COL14A1: variants seen among roughly 807,000 people sequenced by gnomAD.
The protein encoded by COL14A1 is collagen alpha-1(XIV) chain.
Under a neutral mutation model 230.3 loss-of-function variants are expected in COL14A1, and 136 were observed. The observed-to-expected ratio is 0.59, with a 90% CI of 0.51 to 0.68. COL14A1 has a LOEUF of 0.68. Ranked by LOEUF, COL14A1 falls within the 30% of genes least tolerant of loss-of-function variation. The pLI is 0.00. For missense variants in COL14A1, 1,976 were observed against 2,215.8 expected, an observed-to-expected ratio of 0.89 and a Z score of 2.17; for synonymous variants, 792 against 784.1, an observed-to-expected ratio of 1.01 and a Z score of -0.17.
intron 4 of COL14A1, among the ~76,000 whole-genome samples, chr8:120,167,440 G>C (rs959195771): frequency 8.5e-5 from 13 of 152,288 alleles, no homozygotes; most frequent in African/African-American, 3.1e-4. Flanking sequence ...ACATTTGGCA[G>C]GCTCTTGACT....
Position 120,332,521 on chromosome 8 carries a change from G to T in COL14A1, c.4714-143G>T. On this transcript the variant is annotated intron_variant, in intron 41 of 47. Coordinates refer to ENST00000297848, the MANE Select transcript of COL14A1 (RefSeq NM_021110.4). ...AAAAGTCTTCCCTCCGTTTTTGGGA[G>T]TTGGGAACAGGAATGAGGTCCTGGT... The T allele has an allele frequency of 4.4e-6, 3 of 687,002 alleles. No individual in the cohort carries two copies. In the South Asian group the frequency reaches 6.0e-5, roughly 14 times the overall value. 42.6% of individuals were successfully genotyped at this position (687,002 alleles called of 1,614,324 possible).
intron 2 of COL14A1, among the ~76,000 whole-genome samples, chr8:120,154,967 A>T (rs959595227): frequency 1.1e-4 from 16 of 152,186 alleles, no homozygotes; most frequent in South Asian, 6.2e-4. Context: ...GAAAGGGGGA[A>T]AAAACCTAAC....
chr8:120,139,124 A>C (rs1334259321), intron 1 of COL14A1, among the ~76,000 whole-genome samples: 2 of 152,230 alleles, frequency 1.3e-5, no homozygotes, highest in Non-Finnish European at 2.9e-5. Context: ...GGAGCATCCC[A>C]ACTGATTAGA....
chr8:120,315,211 AG>A (rs1821176577), intron 38 of COL14A1, among the ~76,000 whole-genome samples: 1 of 151,998 alleles, frequency 6.6e-6, no homozygotes, highest in African/African-American at 2.4e-5. Flanking sequence ...CTCTACTAAA[AG>A]TACAAAAATT....
At chr8:120,363,760 T>A (rs760726691) in intron 45 of COL14A1, among the ~76,000 whole-genome samples, 2 of 152,152 alleles carry the variant, frequency 1.3e-5, no homozygotes, top group Non-Finnish European at 2.9e-5. Context: ...CATGTGGGCA[T>A]GAGAATAGGT....
At chr8:120,218,154 AATATATAAATATAAAT>A (rs1263640338) in intron 14 of COL14A1, among the ~76,000 whole-genome samples, 6 of 135,408 alleles carry the variant, frequency 4.4e-5, no homozygotes, top group East Asian at 2.0e-4. Context: ...AATATAAATA[AATATATAAATATAAAT>A]ATATATAAAT....
intron 4 of COL14A1, among the ~76,000 whole-genome samples, chr8:120,165,134 G>A (rs1414593446): frequency 2.0e-5 from 3 of 152,208 alleles, no homozygotes; most frequent in Admixed American, 6.5e-5. Context: ...CCAAATAGCA[G>A]TTTGTAAGAA....
At chr8:120,166,386 T>C (rs1815873994) in intron 4 of COL14A1, among the ~76,000 whole-genome samples, 1 of 152,196 alleles carries the variant, frequency 6.6e-6, no homozygotes, top group Non-Finnish European at 1.5e-5. Flanking sequence ...TTTATAAGAA[T>C]TCACCACATT....
In COL14A1 at chr8:120,128,228, CGTGTGTGTGTGTGTGTGT is replaced by C. The variant is rs33988612; in HGVS notation, c.-38+2905_-38+2922del. ...ACGTGTGTGTGTGTGTGTGCGCGCG[CGTGTGTGTGTGTGTGTGT>C]GTGTGTGTGTGTGTGTTGGAAATGT... is the stretch of plus-strand genomic sequence containing the variant. On this transcript the variant is annotated intron_variant, in intron 1 of 47. Transcript: ENST00000297848. Among the ~76,000 whole-genome samples the C allele has an allele frequency of 3.1e-3, 451 of 146,784 alleles. 4 individuals carry two copies. The highest frequency in any genetic ancestry group is 0.011 in the African/African-American group (435 of 39,972).
At chr8:120,157,752 G>A (rs530129728) in intron 2 of COL14A1, among the ~76,000 whole-genome samples, 2 of 152,248 alleles carry the variant, frequency 1.3e-5, no homozygotes, top group African/African-American at 4.8e-5. Context: ...TTGGGAGGCC[G>A]AGGCGGGTGG....
intron 14 of COL14A1, among the ~76,000 whole-genome samples, chr8:120,224,023 CTTTTT>C (rs962510256): frequency 2.6e-5 from 2 of 78,252 alleles, no homozygotes; most frequent in Non-Finnish European, 4.5e-5. Context: ...CCCTCATCTC[CTTTTT>C]TTTTTTTTTT....
At chr8:120,188,571 A>G (rs192394197) in intron 5 of COL14A1, among the ~76,000 whole-genome samples, 104 of 152,298 alleles carry the variant, frequency 6.8e-4, no homozygotes, top group African/African-American at 2.4e-3. Flanking sequence ...TATCTTTGTA[A>G]TCAAGGCCAT....
chr8:120,144,993 C>A (rs1330748864), intron 1 of COL14A1, among the ~76,000 whole-genome samples: 2 of 151,330 alleles, frequency 1.3e-5, no homozygotes, highest in African/African-American at 4.8e-5. Context: ...AGGCAAAAAA[C>A]AAACTGGAAA....
At chr8:120,350,100 G>T (rs1398795163) in intron 45 of COL14A1, among the ~76,000 whole-genome samples, 9 of 150,990 alleles carry the variant, frequency 6.0e-5, no homozygotes, top group Non-Finnish European at 1.0e-4. Flanking sequence ...TTAAAGAAAA[G>T]AATTTTCAAC....
At chr8:120,367,293 T>C (rs770937938) in intron 46 of COL14A1, 45 bp downstream of exon 46, 1 of 1,494,454 alleles carries the variant, frequency 6.7e-7, no homozygotes, top group African/African-American at 1.4e-5. Context: ...TATATTTTTA[T>C]ATTCACTTGG....
At chr8:120,355,692 A>G (rs1822958780) in intron 45 of COL14A1, among the ~76,000 whole-genome samples, 1 of 152,014 alleles carries the variant, frequency 6.6e-6, no homozygotes, top group East Asian at 1.9e-4. Context: ...AAGTGCTGGG[A>G]TTACAGGCAT....
Position 120,212,448 on chromosome 8 carries a change from A to T in COL14A1, c.1468A>T (p.Met490Leu). The change falls in exon 13 of 48, where the codon ATG becomes TTG. Residue 490 changes from methionine to leucine, a missense_variant and splice_region_variant. By Grantham distance (15) the Met-to-Leu change is conservative (BLOSUM62 2). Coordinates refer to ENST00000297848, the MANE Select transcript of COL14A1 (RefSeq NM_021110.4). ...TEGLAGDEKE[M>L]KIGETHTDIE... is the part of the protein sequence containing the mutation. ...ATCTAACAACATGTGTTCTTTTCAG[A>T]TGAAAATTGGAGAGACCCACACAGA... is the stretch of plus-strand genomic sequence containing the variant. 2 of 1,613,032 alleles carry T rather than the reference A, an allele frequency of 1.2e-6. No individual in the cohort carries two copies. The highest frequency in any genetic ancestry group is 1.1e-5 in the South Asian group (1 of 91,042).
chr8:120,267,572 A>G (rs1392466182), intron 25 of COL14A1, among the ~76,000 whole-genome samples: 1 of 151,930 alleles, frequency 6.6e-6, no homozygotes, highest in African/African-American at 2.4e-5. Flanking sequence ...CTGCAGATTA[A>G]TGACTCATAA....
chr8:120,146,619 T>TA (rs1363569758), intron 1 of COL14A1, among the ~76,000 whole-genome samples: 1 of 152,140 alleles, frequency 6.6e-6, no homozygotes, highest in Admixed American at 6.5e-5. Flanking sequence ...ATGATTTTTT[T>TA]AAAAATAGTG....
Sources: gnomAD v4.1 joint callset for allele counts (sites outside exome capture counted in the v4.1 genomes callset) on GRCh38, gnomAD v4.1.1 for gene constraint, MANE v1.5 for transcripts, NCBI Gene and HGNC (gene_info 2026-07-23, HGNC 2026-07-21) for gene names.